Variants in MYRIP observed in about 807,000 individuals in gnomAD.
MYRIP encodes myosin VIIA and Rab interacting protein.
A neutral mutation model predicts 98.0 loss-of-function variants in MYRIP; 49 were observed. The ratio of observed to expected loss-of-function variants is 0.50; its 90% CI spans 0.40 to 0.63. MYRIP has a LOEUF of 0.63. Ranked by LOEUF, MYRIP falls within the 30% of genes least tolerant of loss-of-function variation. The pLI is 0.00. For synonymous variants in MYRIP, 404 were observed against 409.5 expected, an observed-to-expected ratio of 0.99 and a Z score of 0.16; for missense variants, 1,004 against 1,058.2, an observed-to-expected ratio of 0.95 and a Z score of 0.71.
chr3:40,106,694 T>C (rs1464196954), intron 3 of MYRIP, among the ~76,000 whole-genome samples: 1 of 152,184 alleles, frequency 6.6e-6, no homozygotes, highest in Non-Finnish European at 1.5e-5. Context: ...TAAAAATTTC[T>C]CTTTGTTTTT....
chr3:40,200,145 T>C (rs3953271), intron 10 of MYRIP, among the ~76,000 whole-genome samples: 79,778 of 134,776 alleles, frequency 0.59, 27,090 homozygotes, highest in Non-Finnish European at 0.64. Context: ...ATAGGCCCTT[T>C]TGAGGACCTA....
chr3:40,034,546 T>A (rs1467975056), intron 2 of MYRIP, among the ~76,000 whole-genome samples: 1 of 151,266 alleles, frequency 6.6e-6, no homozygotes, highest in East Asian at 2.0e-4. Flanking sequence ...CCAGTTAGAA[T>A]GGCAATCATT....
chr3:39,997,619 G>C (rs1946397740), intron 2 of MYRIP, among the ~76,000 whole-genome samples: 1 of 152,194 alleles, frequency 6.6e-6, no homozygotes, highest in African/African-American at 2.4e-5. Context: ...GGAGGAGCTA[G>C]TACCATTCCT....
chr3:39,872,271 C>T (rs1022533666), intron 1 of MYRIP, among the ~76,000 whole-genome samples: 2 of 151,406 alleles, frequency 1.3e-5, no homozygotes, highest in Non-Finnish European at 1.5e-5. Flanking sequence ...TTCTTTCTTT[C>T]TTTTTTTTAA....
At chr3:40,242,247 A>G (rs1400250188) in intron 12 of MYRIP, 1 of 152,116 alleles carries the variant, frequency 6.6e-6, no homozygotes, top group African/African-American at 2.4e-5. Context: ...CACTGGCTCA[A>G]TAAATTAATG....
At chr3:40,228,448 G>A (rs148134473) in intron 11 of MYRIP, among the ~76,000 whole-genome samples, 15 of 152,262 alleles carry the variant, frequency 9.9e-5, no homozygotes, top group African/African-American at 3.1e-4. Flanking sequence ...TGGGCCCTAG[G>A]CCAGGTGCCT....
chr3:39,948,095 A>G (rs569417253), intron 2 of MYRIP, among the ~76,000 whole-genome samples: 1 of 152,274 alleles, frequency 6.6e-6, no homozygotes, highest in African/African-American at 2.4e-5. Context: ...ATGACTTTTC[A>G]AAAAATATAA....
intron 1 of MYRIP, among the ~76,000 whole-genome samples, chr3:39,847,344 A>G (rs1031674942): frequency 2.0e-5 from 3 of 152,192 alleles, no homozygotes; most frequent in Non-Finnish European, 4.4e-5. Flanking sequence ...CTTAAATGCT[A>G]TGCTATAAAG....
At chr3:39,965,979 A>C (rs1001344913) in intron 2 of MYRIP, among the ~76,000 whole-genome samples, 1 of 152,170 alleles carries the variant, frequency 6.6e-6, no homozygotes, top group South Asian at 2.1e-4. Context: ...GTGAAAGTGA[A>C]TGTTTAAGTC....
At chr3:40,152,350 C>A (rs571973503) in intron 4 of MYRIP, among the ~76,000 whole-genome samples, 1 of 152,226 alleles carries the variant, frequency 6.6e-6, no homozygotes, top group African/African-American at 2.4e-5. Flanking sequence ...GCTGAATATG[C>A]CCCTTTAAAT....
Position 40,260,252 on chromosome 3 carries a change from A to T in MYRIP, c.*2086A>T, listed in dbSNP as rs1304215069. 1 of 152,234 alleles carries T rather than the reference A, an allele frequency of 6.6e-6. No homozygotes were observed. Among genetic ancestry groups the T allele is most frequent in the African/African-American group, 2.4e-5 (1 of 41,468 alleles). The allele number at this position is 152,234 out of a possible 1,614,324, so 9.4% of individuals were successfully genotyped here. Reference sequence around the variant, plus strand: ...ACTTCTGAAAGTTATGCTTCCCTTCATGTTATATGCACATTGCCAAGAATT... The same window carrying T: ...ACTTCTGAAAGTTATGCTTCCCTTCTTGTTATATGCACATTGCCAAGAATT... On this transcript the variant is annotated 3_prime_UTR_variant, in exon 17 of 17. Transcript: ENST00000302541.
chr3:40,125,945 C>T (rs1470194992), intron 3 of MYRIP, among the ~76,000 whole-genome samples: 1 of 152,164 alleles, frequency 6.6e-6, no homozygotes, highest in East Asian at 1.9e-4. Context: ...GAGGGCTGTT[C>T]TCTTCCATCC....
At chr3:39,934,412 A>G (rs769797141) in intron 2 of MYRIP, among the ~76,000 whole-genome samples, 1 of 152,144 alleles carries the variant, frequency 6.6e-6, no homozygotes, top group African/African-American at 2.4e-5. Context: ...AAGATGAACA[A>G]ATGCCATCCC....
At chr3:40,104,183 G>C (rs1263660037) in intron 3 of MYRIP, among the ~76,000 whole-genome samples, 1 of 152,008 alleles carries the variant, frequency 6.6e-6, no homozygotes, top group Non-Finnish European at 1.5e-5. Context: ...CCACTTCTAG[G>C]TATTGTCATT....
At chr3:40,089,768 T>C (rs913988940) in intron 3 of MYRIP, among the ~76,000 whole-genome samples, 2 of 152,232 alleles carry the variant, frequency 1.3e-5, no homozygotes, top group Non-Finnish European at 2.9e-5. Flanking sequence ...TTTAATGGCC[T>C]TGGCAATGGA....
intron 1 of MYRIP, among the ~76,000 whole-genome samples, chr3:39,894,142 C>T (rs566606283): frequency 6.6e-6 from 1 of 152,156 alleles, no homozygotes; most frequent in African/African-American, 2.4e-5. Flanking sequence ...TTGTACTATT[C>T]ATACTATATT....
At chr3:39,916,002 G>A (rs7642894) in intron 2 of MYRIP, among the ~76,000 whole-genome samples, 66,996 of 151,726 alleles carry the variant, frequency 0.44, 15,019 homozygotes, top group East Asian at 0.54. Flanking sequence ...CTAATAGCCA[G>A]AAAAAAGACA....
At chr3:40,157,605 G>T (rs1333032057) in intron 4 of MYRIP, among the ~76,000 whole-genome samples, 2 of 144,692 alleles carry the variant, frequency 1.4e-5, no homozygotes, top group Non-Finnish European at 3.0e-5. Context: ...GTAGAATTTG[G>T]CTGTGAATCC....
At chr3:39,888,198 C>A (rs1024902972) in intron 1 of MYRIP, among the ~76,000 whole-genome samples, 1 of 151,894 alleles carries the variant, frequency 6.6e-6, no homozygotes, top group African/African-American at 2.4e-5. Flanking sequence ...CATATGGAAC[C>A]AAAAAAGGGC....
Sources: gnomAD v4.1 joint callset for allele counts (sites outside exome capture counted in the v4.1 genomes callset) on GRCh38, gnomAD v4.1.1 for gene constraint, MANE v1.5 for transcripts, NCBI Gene and HGNC (gene_info 2026-07-23, HGNC 2026-07-21) for gene names.